The following FHIT variants were observed in gnomAD, a reference collection of about 807,000 sequenced individuals.
The protein encoded by FHIT is fragile histidine triad diadenosine triphosphatase, also known as bis(5'-adenosyl)-triphosphatase.
In FHIT, 19 loss-of-function variants were observed where a neutral mutation model predicts 17.9. That is an observed-to-expected ratio of 1.06 (90% CI 0.74 to 1.56). The LOEUF is 1.56. Among genes scored for constraint, FHIT ranks in the 40% most tolerant of loss-of-function variants. The pLI, the probability that FHIT is intolerant of heterozygous loss-of-function variation, is 0.00. For missense variants in FHIT, 248 were observed against 189.2 expected (o/e 1.31, Z -1.82); for synonymous variants, 81 against 69.7 (o/e 1.16, Z -0.81).
At chr3:60,718,943 C>A (rs1429569523) in intron 4 of FHIT, among the ~76,000 whole-genome samples, 2 of 152,178 alleles carry the variant, frequency 1.3e-5, no homozygotes, top group Non-Finnish European at 2.9e-5. Flanking sequence ...GGCTAGAGTT[C>A]TCTGGGACAC....
chr3:60,809,359 T>C (rs1264907983), intron 4 of FHIT, among the ~76,000 whole-genome samples: 2 of 152,152 alleles, frequency 1.3e-5, no homozygotes, highest in Non-Finnish European at 2.9e-5. Context: ...GGCAATAGAA[T>C]ATGTGTGTAT....
At chr3:60,129,252 C>T (rs1320915479) in intron 5 of FHIT, among the ~76,000 whole-genome samples, 1 of 151,920 alleles carries the variant, frequency 6.6e-6, no homozygotes, top group African/African-American at 2.4e-5. Flanking sequence ...GGGGTTTCAC[C>T]ATGTTGGCAG....
chr3:60,385,946 G>T (rs758812626), intron 5 of FHIT, among the ~76,000 whole-genome samples: 18 of 152,116 alleles, frequency 1.2e-4, no homozygotes, highest in Non-Finnish European at 2.5e-4. Flanking sequence ...CAAAAGTTGG[G>T]AATATCTTTC....
At chr3:59,879,791 T>G (rs73100641) in intron 8 of FHIT, among the ~76,000 whole-genome samples, 1 of 152,184 alleles carries the variant, frequency 6.6e-6, no homozygotes, top group East Asian at 1.9e-4. Flanking sequence ...TCATATAACA[T>G]GAATGAAGAC....
At chr3:60,541,364 T>G (rs2036180142) in intron 4 of FHIT, among the ~76,000 whole-genome samples, 1 of 152,192 alleles carries the variant, frequency 6.6e-6, no homozygotes, top group Non-Finnish European at 1.5e-5. Flanking sequence ...CATCCACCAT[T>G]CTACAAACAG....
intron 4 of FHIT, among the ~76,000 whole-genome samples, chr3:60,696,583 C>T (rs1553700691): frequency 1.3e-5 from 2 of 151,886 alleles, no homozygotes; most frequent in Admixed American, 1.3e-4. Flanking sequence ...AGCATTAAGG[C>T]GATAAAGGAG....
chr3:59,961,061 AATCGTGAATTTG>A (rs758179388), intron 7 of FHIT, among the ~76,000 whole-genome samples: 9 of 152,226 alleles, frequency 5.9e-5, no homozygotes, highest in Non-Finnish European at 1.2e-4. Flanking sequence ...GAGGGGACTG[AATCGTGAATTTG>A]AGGCCTAAAG....
intron 2 of FHIT, among the ~76,000 whole-genome samples, chr3:61,199,199 A>C (rs905571374): frequency 2.0e-5 from 3 of 152,206 alleles, no homozygotes; most frequent in Non-Finnish European, 2.9e-5. Flanking sequence ...ATTTTCATTG[A>C]GAATAAAGAA....
chr3:61,041,191 C>G (rs2033494970), intron 3 of FHIT, among the ~76,000 whole-genome samples: 1 of 152,006 alleles, frequency 6.6e-6, no homozygotes, highest in Non-Finnish European at 1.5e-5. Flanking sequence ...CCATCCTGGC[C>G]AACATGCGGA....
At chr3:60,971,241 G>A (rs1709991357) in intron 3 of FHIT, among the ~76,000 whole-genome samples, 1 of 152,116 alleles carries the variant, frequency 6.6e-6, no homozygotes, top group Non-Finnish European at 1.5e-5. Flanking sequence ...ATGGTGGTGT[G>A]TGCCTGTAGT....
chr3:60,843,181 A>C (rs939275610), intron 3 of FHIT, among the ~76,000 whole-genome samples: 1 of 152,176 alleles, frequency 6.6e-6, no homozygotes, highest in Admixed American at 6.5e-5. Flanking sequence ...ACTGGGAACC[A>C]CAAGCTAAAA....
chr3:60,524,664 G>A (rs1322920496), intron 5 of FHIT, among the ~76,000 whole-genome samples: 1 of 152,182 alleles, frequency 6.6e-6, no homozygotes, highest in Non-Finnish European at 1.5e-5. Context: ...CTCCCTCTTT[G>A]CTGCTCCAGC....
intron 4 of FHIT, among the ~76,000 whole-genome samples, chr3:60,568,718 C>T (rs1220992395): frequency 6.6e-6 from 1 of 152,114 alleles, no homozygotes; most frequent in Admixed American, 6.5e-5. Context: ...GGAACTCAAC[C>T]TTTAGGCATT....
chr3:60,731,040 A>G (rs961712136), intron 4 of FHIT, among the ~76,000 whole-genome samples: 1 of 151,938 alleles, frequency 6.6e-6, no homozygotes, highest in African/African-American at 2.4e-5. Context: ...CTGAGGCAGG[A>G]GAATTGCTTG....
chr3:60,298,105 C>CT (rs2106695304), intron 5 of FHIT, among the ~76,000 whole-genome samples: 1 of 152,136 alleles, frequency 6.6e-6, no homozygotes. Flanking sequence ...GGTGCCCTCT[C>CT]TACGAGCACC....
rs149294756 is a variant in FHIT at position 60,360,612 on chromosome 3, G to T, written c.103+176248C>A. 7.8e-4 allele frequency among the ~76,000 whole-genome samples: 119 copies of T among 152,232 alleles called. No individual in the cohort carries two copies. The East Asian group carries it at 0.012, about 15-fold the overall frequency. Reference sequence around the variant, plus strand: ...GCAACAATAGCTATCCTATGAAATAGGTAACTAATAAATAGCAGCAATATT... The same window carrying T: ...GCAACAATAGCTATCCTATGAAATATGTAACTAATAAATAGCAGCAATATT... On this transcript the variant is annotated intron_variant, in intron 5 of 9. Transcript: ENST00000492590.
intron 4 of FHIT, among the ~76,000 whole-genome samples, chr3:60,715,181 G>C (rs555873668): frequency 2.0e-5 from 3 of 151,740 alleles, no homozygotes; most frequent in African/African-American, 7.3e-5. Context: ...ACAAGCAATG[G>C]GGAAAGGATT....
intron 4 of FHIT, among the ~76,000 whole-genome samples, chr3:60,808,890 T>C (rs1210103780): frequency 2.6e-5 from 4 of 152,200 alleles, no homozygotes; most frequent in African/African-American, 9.7e-5. Flanking sequence ...TTGAGCTTGG[T>C]TCAGTAGTTC....
intron 5 of FHIT, among the ~76,000 whole-genome samples, chr3:60,427,016 C>G (rs145117204): frequency 3.9e-5 from 6 of 151,940 alleles, no homozygotes; most frequent in African/African-American, 9.7e-5. Context: ...AATTAGGATG[C>G]CAAAATCAAT....
Sources: allele counts gnomAD v4.1 joint callset (sites outside exome capture counted in the v4.1 genomes callset), GRCh38; gene constraint gnomAD v4.1.1; transcripts MANE v1.5; gene names NCBI Gene and HGNC (gene_info 2026-07-23, HGNC 2026-07-21).